The following DCAF12 variants were observed in gnomAD, a reference collection of about 807,000 sequenced individuals.
The protein encoded by DCAF12 is DDB1 and CUL4 associated factor 12, also known as DDB1- and CUL4-associated factor 12.
In DCAF12, 28 loss-of-function variants were observed where a neutral mutation model predicts 52.8. That is an observed-to-expected ratio of 0.53 (90% CI 0.39 to 0.73). DCAF12 has a LOEUF of 0.73. Among genes scored for constraint, DCAF12 ranks in the 30% least tolerant of loss-of-function variants. The pLI, the probability that DCAF12 is intolerant of heterozygous loss-of-function variation, is 0.00. For synonymous variants in DCAF12, 196 were observed against 215.5 expected, an observed-to-expected ratio of 0.91 and a Z score of 0.79; for missense variants, 425 against 552.2, an observed-to-expected ratio of 0.77 and a Z score of 2.31.
At chr9:34,105,105 T>G (rs926001109) in intron 4 of DCAF12, among the ~76,000 whole-genome samples, 4 of 151,664 alleles carry the variant, frequency 2.6e-5, no homozygotes, top group African/African-American at 9.7e-5. Context: ...ATAGAAAAAT[T>G]AGCCTGGCGT....
At chr9:34,106,673 T>C (rs1789248154) in intron 3 of DCAF12, among the ~76,000 whole-genome samples, 179 bp from the exon 4 acceptor site, 2 of 152,210 alleles carry the variant, frequency 1.3e-5, no homozygotes, top group African/African-American at 2.4e-5. Context: ...CCTTCTATCT[T>C]GAGGAGCTCA....
At position 34,093,196 on chromosome 9, in the gene DCAF12, T is replaced by G. The variant is rs1828673796; in HGVS notation, c.1024+90A>C. 2.0e-6 allele frequency: 3 copies of G among 1,492,928 alleles called. No homozygotes were observed. In the Admixed American group the frequency reaches 5.1e-5, roughly 25 times the overall value. 92.5% of individuals were successfully genotyped at this position (1,492,928 alleles called of 1,614,324 possible). ...CTTCCAAATGTTCCATACAGAGCAC[T>G]ATACCTGTTTGGAAACCAACAAAGA... On this transcript the variant is annotated intron_variant, in intron 7 of 8. Coordinates refer to ENST00000361264, the MANE Select transcript of DCAF12 (RefSeq NM_015397.4).
At chr9:34,124,149 CTCTTT>C (rs1457962408) in intron 2 of DCAF12, among the ~76,000 whole-genome samples, 1 of 152,212 alleles carries the variant, frequency 6.6e-6, no homozygotes, top group East Asian at 1.9e-4. Flanking sequence ...GCAATCTTCT[CTCTTT>C]TAATGATCCA....
intron 2 of DCAF12, among the ~76,000 whole-genome samples, chr9:34,121,718 G>A (rs1223307031): frequency 6.6e-6 from 1 of 152,112 alleles, no homozygotes; most frequent in Non-Finnish European, 1.5e-5. Context: ...GCCAAGGCAG[G>A]CGGATCACGA....
chr9:34,121,962 C>G (rs1829181595), intron 2 of DCAF12, among the ~76,000 whole-genome samples: 1 of 152,078 alleles, frequency 6.6e-6, no homozygotes, highest in African/African-American at 2.4e-5. Context: ...AAAAAGCAAA[C>G]AAACAAAAAT....
chr9:34,119,870 T>G lies in DCAF12; in HGVS notation c.333+5153A>C, dbSNP rs143586017. 2.0e-3 allele frequency among the ~76,000 whole-genome samples: 303 copies of G among 151,900 alleles called. 2 individuals are homozygous for G. Among genetic ancestry groups the G allele is most frequent in the African/African-American group, 6.8e-3 (282 of 41,436 alleles). ...GCACAAGCCACCATGCCCAGCTAAT[T>G]CTTAAATATTTTGTAGAGATGGGGT... On this transcript the variant is annotated intron_variant, in intron 2 of 8. Coordinates refer to ENST00000361264, the MANE Select transcript of DCAF12 (RefSeq NM_015397.4).
rs34481024 is a variant in DCAF12 at position 34,120,203 on chromosome 9, C to CAA, written c.333+4818_333+4819dup. Among the ~76,000 whole-genome samples, 11 of 26,224 alleles carry CAA rather than the reference C, an allele frequency of 4.2e-4. 2 individuals are homozygous for CAA. Among genetic ancestry groups the CAA allele is most frequent in the East Asian group, 3.3e-3 (2 of 600 alleles). The allele number at this position is 26,224 out of a possible 152,430, so 17.2% of individuals were successfully genotyped here. A position where few individuals can be genotyped will look rare whatever the true frequency, so the allele number is the denominator to read the frequency against. ...GGGCAACAAGAATGAAAGTCCGTCT[C>CAA]AAAAAAAAAAAAAAAAAAAAAAAAA... On this transcript the variant is annotated intron_variant, in intron 2 of 8. Transcript: ENST00000361264.
Position 34,088,584 on chromosome 9 carries a change from G to A in DCAF12, c.1204-76C>T, listed in dbSNP as rs1268444564. The A allele has an allele frequency of 1.8e-4, 269 of 1,534,544 alleles. 1 individual carries two copies. The highest frequency in any genetic ancestry group is 2.3e-4 in the Non-Finnish European group (255 of 1,111,428). ...AAAAGGGGGAGGAAGGGACAGGAATGCTTTCTGGTCTCCTTAAGGGAACAG... is the reference window on the plus strand; with the variant it reads ...AAAAGGGGGAGGAAGGGACAGGAATACTTTCTGGTCTCCTTAAGGGAACAG... On this transcript the variant is annotated intron_variant, in intron 8 of 8. Transcript: ENST00000361264.
At chr9:34,125,002 C>A in intron 2 of DCAF12, 21 bp downstream of exon 2, 2 of 1,611,596 alleles carry the variant, frequency 1.2e-6, no homozygotes, top group East Asian at 4.5e-5. Context: ...GGAGAGAGGT[C>A]ACATCCCCCC....
At chr9:34,098,263 T>G in intron 5 of DCAF12, 61 bp downstream of exon 5, 2 of 1,534,510 alleles carry the variant, frequency 1.3e-6, no homozygotes, top group Non-Finnish European at 1.8e-6. Flanking sequence ...GAAAAAGGAG[T>G]GCATATCCCA....
chr9:34,126,675 G>C lies in DCAF12; in HGVS notation c.-244C>G. The stretch of plus-strand genomic sequence containing the variant: ...GAGCGGCTTTCCGACGGCAGAGCCT[G>C]CAAGGACGGCGAGCGGCTAGAACCA... On this transcript the variant is annotated 5_prime_UTR_variant, in exon 1 of 9. Coordinates refer to ENST00000361264, the MANE Select transcript of DCAF12 (RefSeq NM_015397.4). The C allele has an allele frequency of 1.8e-6, 1 of 569,082 alleles. No homozygotes were observed. Among genetic ancestry groups the C allele is most frequent in the Non-Finnish European group, 3.1e-6 (1 of 324,434 alleles). 35.3% of individuals were successfully genotyped at this position (569,082 alleles called of 1,614,324 possible).
At chr9:34,103,856 A>T (rs1448058711) in intron 4 of DCAF12, among the ~76,000 whole-genome samples, 1 of 152,170 alleles carries the variant, frequency 6.6e-6, no homozygotes, top group African/African-American at 2.4e-5. Context: ...CAACAACAGT[A>T]ACAACAACAA....
intron 6 of DCAF12, among the ~76,000 whole-genome samples, chr9:34,094,029 T>A (rs562821598): frequency 2.0e-5 from 3 of 152,270 alleles, no homozygotes; most frequent in African/African-American, 7.2e-5. Context: ...ACAAGGTCAG[T>A]GGAGCTCAAA....
At position 34,098,500 on chromosome 9, in the gene DCAF12, T is replaced by C. The variant is rs372768992; in HGVS notation, c.619A>G (p.Met207Val). The C allele has an allele frequency of 5.9e-5, 96 of 1,613,548 alleles. No individual in the cohort carries two copies. Among genetic ancestry groups the C allele is most frequent in the Middle Eastern group, 1.7e-4 (1 of 5,914 alleles). Residue 207 changes from methionine (M) to valine (V), a missense_variant, in exon 5 of 9, where the codon ATG becomes GTG. Coordinates refer to ENST00000361264, the MANE Select transcript of DCAF12 (RefSeq NM_015397.4). ...TCATCTGTCACCTCCCAGAGTCCCA[T>C]AGAACCATCACGTGAGCCTGCAGGG... is the stretch of plus-strand genomic sequence containing the variant. ...MAVSGSRDGS[M>V]GLWEVTDDVL...
At chr9:34,104,243 G>A (rs1161456323) in intron 4 of DCAF12, among the ~76,000 whole-genome samples, 8 of 151,758 alleles carry the variant, frequency 5.3e-5, no homozygotes, top group African/African-American at 1.9e-4. Context: ...GCGACAGAGC[G>A]AGACTCTGTC....
intron 2 of DCAF12, among the ~76,000 whole-genome samples, chr9:34,111,446 T>A (rs990913844): frequency 6.6e-6 from 1 of 152,220 alleles, no homozygotes; most frequent in Admixed American, 6.5e-5. Context: ...TCGCACTGAT[T>A]TAAAATATTT....
chr9:34,108,743 G>A (rs1269587634), intron 2 of DCAF12, among the ~76,000 whole-genome samples: 5 of 150,076 alleles, frequency 3.3e-5, no homozygotes, highest in African/African-American at 7.3e-5. Flanking sequence ...CCGGGATCGA[G>A]CCACTGCACT....
chr9:34,107,509 G>A lies in DCAF12; in HGVS notation c.390C>T (p.Asp130=), dbSNP rs1384747437. 6.2e-7 allele frequency: 1 copy of A among 1,614,156 alleles called. No individual in the cohort carries two copies. Among genetic ancestry groups the A allele is most frequent in the South Asian group, 1.1e-5 (1 of 91,078 alleles). ...SQITKIPILK[D]REPGGVTQQG... is the part of the protein sequence containing the mutation. ...GCTGGGTCACACCTCCAGGCTCCCG[G>A]TCTTTCAGAATGGGGATCTTGGTGA... is the stretch of plus-strand genomic sequence containing the variant. The change falls in exon 3 of 9, where the codon GAC becomes GAT. Residue 130 remains aspartate, a synonymous_variant. Transcript: ENST00000361264.
intron 2 of DCAF12, among the ~76,000 whole-genome samples, chr9:34,113,088 T>C (rs889184143): frequency 2.0e-5 from 3 of 152,078 alleles, no homozygotes; most frequent in Non-Finnish European, 4.4e-5. Flanking sequence ...CTCATTCTTG[T>C]TGCCCAGGCT....
Sources: gnomAD v4.1 joint callset for allele counts (sites outside exome capture counted in the v4.1 genomes callset) on GRCh38, gnomAD v4.1.1 for gene constraint, MANE v1.5 for transcripts, NCBI Gene and HGNC (gene_info 2026-07-23, HGNC 2026-07-21) for gene names.